AP3D1: variants seen among roughly 807,000 people sequenced by gnomAD.
The protein encoded by AP3D1 is adaptor related protein complex 3 subunit delta 1.
A neutral mutation model predicts 147.6 loss-of-function variants in AP3D1; 51 were observed. The observed-to-expected ratio is 0.35, with a 90% CI of 0.28 to 0.44. AP3D1 has a LOEUF of 0.44. AP3D1 is among the 20% of genes least tolerant of loss of function. The pLI, the probability that AP3D1 is intolerant of heterozygous loss-of-function variation, is 1.00. For synonymous variants in AP3D1, 760 were observed against 663.0 expected (o/e 1.15, Z -2.25); for missense variants, 1,421 against 1,624.2 (o/e 0.87, Z 2.15).
intron 1 of AP3D1, among the ~76,000 whole-genome samples, chr19:2,143,288 T>G (rs1034138588): frequency 3.8e-5 from 5 of 132,622 alleles, no homozygotes; most frequent in African/African-American, 1.5e-4. Context: ...TCGCCCAGGC[T>G]GGAGTGCAGC....
upstream of AP3D1, among the ~76,000 whole-genome samples, chr19:2,153,981 T>G (rs2019625169): frequency 1.2e-5 from 1 of 85,416 alleles, no homozygotes; most frequent in African/African-American, 3.0e-5. Context: ...AGAGTCTCGC[T>G]CTGTTGCCCA....
At chr19:2,164,239 G>A (rs2144620466) in intron 1 of AP3D1, 1 of 1,276,636 alleles carries the variant, frequency 7.8e-7, no homozygotes, top group Non-Finnish European at 9.9e-7. Context: ...TGAGCCCGCC[G>A]TCTACCCGTG....
Position 2,109,057 on chromosome 19 carries a change from G to A in AP3D1, c.3472+29C>T, listed in dbSNP as rs746859077. On this transcript the variant is annotated intron_variant, in intron 30 of 31. Coordinates refer to ENST00000643116, the MANE Select transcript of AP3D1 (RefSeq NM_001261826.3). The stretch of plus-strand genomic sequence containing the variant: ...GCTGCCGCGTGCGTGAAAGCCCCGT[G>A]CAATCCATCAGCCCCTCACTCTCCT... 3.1e-6 allele frequency: 5 copies of A among 1,605,350 alleles called. 1 individual carries two copies. Among genetic ancestry groups the A allele is most frequent in the Non-Finnish European group, 4.2e-6 (5 of 1,177,474 alleles).
At chr19:2,138,508 A>T in intron 2 of AP3D1, 111 bp downstream of exon 2, 4 of 838,170 alleles carry the variant, frequency 4.8e-6, no homozygotes, top group South Asian at 2.8e-5. Context: ...CACCGACAGC[A>T]GGTGGTACCA....
At chr19:2,147,699 T>G (rs2019396895) in intron 1 of AP3D1, among the ~76,000 whole-genome samples, 2 of 141,056 alleles carry the variant, frequency 1.4e-5, no homozygotes, top group South Asian at 2.3e-4. Context: ...ATTGAGACCA[T>G]ACTGGCCAAC....
Position 2,137,735 on chromosome 19 carries a change from T to C in AP3D1, c.265A>G (p.Thr89Ala). 6.2e-7 allele frequency: 1 copy of C among 1,613,900 alleles called. No individual in the cohort carries two copies. Among genetic ancestry groups the C allele is most frequent in the Non-Finnish European group, 8.5e-7 (1 of 1,179,910 alleles). Residue 89 changes from threonine to alanine, a missense_variant, in exon 3 of 32, where the codon ACC (threonine) becomes GCC (alanine). Physicochemically the swap from Thr to Ala is moderately conservative, Grantham distance 58. This residue lies in a region of AP3D1 where 292 missense variants were observed against 412.0 expected (regional missense o/e 0.71). Coordinates refer to ENST00000643116, the MANE Select transcript of AP3D1 (RefSeq NM_001261826.3). The part of the protein sequence containing the change: ...IIEVMSASKF[T>A]FKRIGYLAAS... ...CCGTCCCAGAACCTCACCTTGAAGG[T>C]GAACTTGGAGGCACTCATCACTTCT...
At chr19:2,143,490 T>C (rs1421964442) in intron 1 of AP3D1, among the ~76,000 whole-genome samples, 1 of 151,946 alleles carries the variant, frequency 6.6e-6, no homozygotes, top group African/African-American at 2.4e-5. Context: ...TCCGCCCACC[T>C]TGGCCTCTCA....
chr19:2,116,413 A>G (rs2018450663), intron 17 of AP3D1, 135 bp from the exon 18 acceptor site: 17 of 1,231,994 alleles, frequency 1.4e-5, no homozygotes, highest in Non-Finnish European at 1.9e-5. Context: ...CTAACAGGGA[A>G]ACCAAGGCCC....
intron 1 of AP3D1, among the ~76,000 whole-genome samples, chr19:2,143,683 A>T (rs1308354576): frequency 6.6e-6 from 1 of 152,108 alleles, no homozygotes; most frequent in Non-Finnish European, 1.5e-5. Flanking sequence ...AAGAGGATTG[A>T]TTAAGCCCAG....
chr19:2,142,667 GC>G lies in AP3D1; in HGVS notation c.97-3954del, dbSNP rs1395541420. Among the ~76,000 whole-genome samples the G allele has an allele frequency of 7.9e-5, 12 of 152,324 alleles. 1 individual carries two copies. In the South Asian group the frequency reaches 2.5e-3, roughly 32 times the overall value. On this transcript the variant is annotated intron_variant, in intron 1 of 31. Transcript: ENST00000643116. ...GGGGAGCCGGGCCGCTGAGCCGCATGCAGGCTGAGGGCCTGGGAGCTCACCC... is the reference window on the plus strand; with the variant it reads ...GGGGAGCCGGGCCGCTGAGCCGCATGAGGCTGAGGGCCTGGGAGCTCACCC...
At chr19:2,133,133 G>A (rs1458707262) in intron 4 of AP3D1, among the ~76,000 whole-genome samples, 2 of 152,200 alleles carry the variant, frequency 1.3e-5, no homozygotes, top group East Asian at 1.9e-4. Flanking sequence ...TGCTGGGCCT[G>A]GCACAGAATG....
chr19:2,118,922 C>T, intron 14 of AP3D1, 90 bp from the exon 15 acceptor site: 1 of 1,230,198 alleles, frequency 8.1e-7, no homozygotes, highest in Non-Finnish European at 1.1e-6. Context: ...GGGCTCGTCA[C>T]CAACAAGGTG....
At chr19:2,144,531 C>T (rs1381987957) in intron 1 of AP3D1, among the ~76,000 whole-genome samples, 1 of 152,200 alleles carries the variant, frequency 6.6e-6, no homozygotes, top group Non-Finnish European at 1.5e-5. Context: ...CCAGCCCCAG[C>T]CCGTCTCTGT....
Position 2,102,116 on chromosome 19 carries a change from G to A in AP3D1, c.*57C>T. On this transcript the variant is annotated 3_prime_UTR_variant, in exon 32 of 32. Coordinates refer to ENST00000643116, the MANE Select transcript of AP3D1 (RefSeq NM_001261826.3). ...GACTGAGGAGAGGCGAGACACGTCA[G>A]GGCTGCGGTCCCTGGGTACGTGCTC... is the stretch of plus-strand genomic sequence containing the variant. The A allele has an allele frequency of 2.8e-6, 4 of 1,413,084 alleles. No homozygotes were observed. Among genetic ancestry groups the A allele is most frequent in the Non-Finnish European group, 4.0e-6 (4 of 1,002,630 alleles). The allele number at this position is 1,413,084 out of a possible 1,614,324, so 87.5% of individuals were successfully genotyped here.
chr19:2,124,661 C>G (rs1246934300), intron 9 of AP3D1, among the ~76,000 whole-genome samples: 1 of 152,158 alleles, frequency 6.6e-6, no homozygotes, highest in African/African-American at 2.4e-5. Flanking sequence ...ATGATCTAGG[C>G]CAGGCGCGGT....
chr19:2,117,403 C>A, intron 15 of AP3D1, 36 bp from the exon 16 acceptor site: 1 of 1,532,962 alleles, frequency 6.5e-7, no homozygotes, highest in Non-Finnish European at 8.8e-7. Flanking sequence ...TGGCACCTGC[C>A]CGGAAGGCCA....
chr19:2,102,317 G>T, intron 31 of AP3D1, 49 bp from the exon 32 acceptor site: 1 of 1,504,216 alleles, frequency 6.6e-7, no homozygotes, highest in Non-Finnish European at 9.2e-7. Flanking sequence ...GCAGGGGCTA[G>T]GCACGGTGGC....
intron 16 of AP3D1, 68 bp from the exon 17 acceptor site, chr19:2,116,814 G>A (rs550454182): frequency 6.6e-7 from 1 of 1,504,494 alleles, no homozygotes; most frequent in East Asian, 2.4e-5. Context: ...CGTCCGCCCT[G>A]AGCAGGCTCA....
intron 9 of AP3D1, among the ~76,000 whole-genome samples, chr19:2,126,652 CA>C (rs58063456): frequency 0.065 from 3,871 of 59,626 alleles, 130 homozygotes; most frequent in African/African-American, 0.19. Flanking sequence ...GACTCTGCCT[CA>C]AAAAAAAAAA....
Sources: allele counts gnomAD v4.1 joint callset (sites outside exome capture counted in the v4.1 genomes callset), GRCh38; gene constraint gnomAD v4.1.1; regional missense constraint gnomAD v4.1.1; transcripts MANE v1.5; gene names NCBI Gene and HGNC (gene_info 2026-07-23, HGNC 2026-07-21).